The following C12orf71 variants were observed in gnomAD, a reference collection of about 807,000 sequenced individuals.
C12orf71 encodes uncharacterized protein C12orf71.
In C12orf71, 10 loss-of-function variants were observed where a neutral mutation model predicts 11.7. That is an observed-to-expected ratio of 0.86 (90% CI 0.53 to 1.45). The LOEUF is 1.45. Ranked by LOEUF, C12orf71 falls within the 40% of genes most tolerant of loss-of-function variation. C12orf71 has a pLI of 0.00. For synonymous variants in C12orf71, 110 were observed against 123.4 expected (o/e 0.89, Z 0.72); for missense variants, 293 against 325.8 (o/e 0.90, Z 0.78).
upstream of C12orf71, among the ~76,000 whole-genome samples, chr12:27,084,069 C>T (rs747910065): frequency 6.6e-6 from 1 of 152,164 alleles, no homozygotes; most frequent in African/African-American, 2.4e-5. Context: ...AAAGGAGACA[C>T]GAGAAATCCT....
At chr12:27,081,774 C>T (rs1941934822) in intron 1 of C12orf71, 194 bp downstream of exon 1, 1 of 737,738 alleles carries the variant, frequency 1.4e-6, no homozygotes, top group Non-Finnish European at 2.4e-6. Context: ...GACCTGCCTC[C>T]TCCTAGTGGT....
chr12:27,082,460 G>A lies in C12orf71; in HGVS notation c.24C>T (p.Ser8=), dbSNP rs759228672. 83 of 1,506,194 alleles carry A rather than the reference G, an allele frequency of 5.5e-5. No individual in the cohort carries two copies. In the Admixed American group the frequency reaches 5.9e-4, roughly 11 times the overall value. 93.3% of individuals were successfully genotyped at this position (1,506,194 alleles called of 1,614,324 possible). MAYSSSN[S]DIEDDSSKSN... ...ATTTGGAGCTGTCGTCCTCTATGTC[G>A]CTGTTAGAGGATGAATATGCCATGG... The change falls in exon 1 of 2, where the codon AGC becomes AGT. Residue 8 remains serine (S), a synonymous_variant. Transcript: ENST00000429849.
chr12:27,081,403 T>A lies in C12orf71; in HGVS notation c.581A>T (p.Glu194Val), dbSNP rs1315805574. Residue 194 changes from glutamate (E) to valine (V), a missense_variant, in exon 2 of 2, where the codon GAG becomes GTG. Transcript: ENST00000429849. Reference sequence around the variant, plus strand: ...AGGAGTGTCATCCTTCTCTGGCTGCTCTGACAGGATTGAGGAGATCTCTGG... The same window carrying A: ...AGGAGTGTCATCCTTCTCTGGCTGCACTGACAGGATTGAGGAGATCTCTGG... ...SAPEISSILSEQPEKDDTPSH... is the reference protein window; with the variant it reads ...SAPEISSILSVQPEKDDTPSH... 4.3e-6 allele frequency: 7 copies of A among 1,613,910 alleles called. No individual in the cohort carries two copies. The highest frequency in any genetic ancestry group is 5.9e-6 in the Non-Finnish European group (7 of 1,179,896).
Position 27,081,345 on chromosome 12 carries a change from A to C in C12orf71, c.639T>G (p.Phe213Leu). The part of the protein sequence containing the change: ...SHTQAQCCLN[F>L]GWAFSWLRQR... ...GCCTCAGCCAGCTGAAGGCCCACCC[A>C]AAGTTCAGGCAGCACTGGGCCTGTG... The change falls in exon 2 of 2, where the codon TTT (phenylalanine) becomes TTG (leucine). Residue 213 changes from phenylalanine to leucine, a missense_variant. Transcript: ENST00000429849. The C allele has an allele frequency of 6.2e-7, 1 of 1,613,992 alleles. No individual in the cohort carries two copies. Among genetic ancestry groups the C allele is most frequent in the Non-Finnish European group, 8.5e-7 (1 of 1,179,894 alleles).
chr12:27,082,577 C>A lies in C12orf71; in HGVS notation c.-94G>T. On this transcript the variant is annotated 5_prime_UTR_variant, in exon 1 of 2. Transcript: ENST00000429849. ...GACTAAGGAGAAGAGAGTCATAGTA[C>A]TTAAGCAAAAACATTATCCATTCCC... 1 of 947,462 alleles carries A rather than the reference C, an allele frequency of 1.1e-6. No homozygotes were observed. The highest frequency in any genetic ancestry group is 1.5e-6 in the Non-Finnish European group (1 of 685,614). The allele number at this position is 947,462 out of a possible 1,614,324, so 58.7% of individuals were successfully genotyped here.
upstream of C12orf71, among the ~76,000 whole-genome samples, chr12:27,082,966 A>G (rs1941950168): frequency 6.7e-6 from 1 of 149,816 alleles, no homozygotes; most frequent in Non-Finnish European, 1.5e-5. Flanking sequence ...TTTGAGATGG[A>G]GCCTCGCTCT....
At chr12:27,081,560 C>A in intron 1 of C12orf71, 93 bp from the exon 2 acceptor site, 1 of 1,269,492 alleles carries the variant, frequency 7.9e-7, no homozygotes, top group Non-Finnish European at 1.1e-6. Flanking sequence ...ATCCTTTTAC[C>A]AAAAATAGCC....
At position 27,082,568 on chromosome 12, in the gene C12orf71, G is replaced by T; in HGVS notation, c.-85C>A. 2.0e-6 allele frequency: 2 copies of T among 1,006,642 alleles called. No individual in the cohort carries two copies. The highest frequency in any genetic ancestry group is 2.7e-6 in the Non-Finnish European group (2 of 732,870). 62.4% of individuals were successfully genotyped at this position (1,006,642 alleles called of 1,614,324 possible). ...AATAGGTGGGACTAAGGAGAAGAGA[G>T]TCATAGTACTTAAGCAAAAACATTA... On this transcript the variant is annotated 5_prime_UTR_variant, in exon 1 of 2. Coordinates refer to ENST00000429849, the MANE Select transcript of C12orf71 (RefSeq NM_001080406.2).
chr12:27,081,132 T>C lies in C12orf71; in HGVS notation c.*42A>G, dbSNP rs1941928010. The C allele has an allele frequency of 2.1e-6, 3 of 1,438,314 alleles. No individual in the cohort carries two copies. The East Asian group carries it at 6.9e-5, about 33-fold the overall frequency. 89.1% of individuals were successfully genotyped at this position (1,438,314 alleles called of 1,614,324 possible). A position where few individuals can be genotyped will look rare whatever the true frequency, so the allele number is the denominator to read the frequency against. On this transcript the variant is annotated 3_prime_UTR_variant, in exon 2 of 2. Transcript: ENST00000429849. ...ATGGGGATTATTAATGGAATCCTTA[T>C]TATGGATTATTTTAAACTTTCCAAA...
At chr12:27,083,659 T>C (rs896635980), upstream of C12orf71, among the ~76,000 whole-genome samples, 2 of 152,214 alleles carry the variant, frequency 1.3e-5, no homozygotes, top group African/African-American at 2.4e-5. Context: ...AACAAACATA[T>C]ATATGGTTAC....
upstream of C12orf71, chr12:27,082,633 G>A (rs1303707741): frequency 1.0e-4 from 59 of 569,578 alleles, no homozygotes; most frequent in Middle Eastern, 4.9e-4. Flanking sequence ...TTTTTGAGAC[G>A]AAGTCTCACT....
chr12:27,081,572 A>T (rs34457591), intron 1 of C12orf71, 105 bp from the exon 2 acceptor site: 435,870 of 1,121,658 alleles, frequency 0.39, 93,627 homozygotes, highest in East Asian at 0.86. Context: ...AAAATAGCCC[A>T]AGTGTCAATG....
At chr12:27,083,280 G>A (rs186001920), upstream of C12orf71, among the ~76,000 whole-genome samples, 2 of 152,260 alleles carry the variant, frequency 1.3e-5, no homozygotes, top group African/African-American at 2.4e-5. Flanking sequence ...GGGCAGAAGA[G>A]GCAGCCCTCT....
At chr12:27,083,147 A>G (rs988512028), upstream of C12orf71, among the ~76,000 whole-genome samples, 2 of 152,010 alleles carry the variant, frequency 1.3e-5, no homozygotes, top group Non-Finnish European at 2.9e-5. Context: ...TCACCATGTT[A>G]GCCAGAAAGG....
chr12:27,081,861 T>C, intron 1 of C12orf71, 107 bp downstream of exon 1: 1 of 1,174,224 alleles, frequency 8.5e-7, no homozygotes, highest in Non-Finnish European at 1.2e-6. Context: ...AGCCAGCTCA[T>C]GTCCCTTAAG....
At chr12:27,081,811 C>A (rs1317323114) in intron 1 of C12orf71, 157 bp downstream of exon 1, 1 of 834,886 alleles carries the variant, frequency 1.2e-6, no homozygotes, top group South Asian at 1.4e-5. Flanking sequence ...TCAACCCAGG[C>A]CTATCCCTTC....
chr12:27,081,117 T>C lies in C12orf71; in HGVS notation c.*57A>G. The C allele has an allele frequency of 7.4e-7, 1 of 1,345,596 alleles. No homozygotes were observed. Among genetic ancestry groups the C allele is most frequent in the Non-Finnish European group, 1.0e-6 (1 of 976,234 alleles). The allele number at this position is 1,345,596 out of a possible 1,614,324, so 83.4% of individuals were successfully genotyped here. A position where few individuals can be genotyped will look rare whatever the true frequency, so the allele number is the denominator to read the frequency against. On this transcript the variant is annotated 3_prime_UTR_variant, in exon 2 of 2. Transcript: ENST00000429849. ...GGAAAAAACAAACTGATGGGGATTATTAATGGAATCCTTATTATGGATTAT... is the reference window on the plus strand; with the variant it reads ...GGAAAAAACAAACTGATGGGGATTACTAATGGAATCCTTATTATGGATTAT...
In C12orf71 at chr12:27,082,143, A is replaced by C. The variant is rs748803775; in HGVS notation, c.341T>G (p.Leu114Arg). ...CTCTTTTGGTAACTTGTCTATCCAC[A>C]GGTTGTCTCCATTTAGAAGCCTATT... is the stretch of plus-strand genomic sequence containing the variant. The part of the protein sequence containing the change: ...RANRLLNGDN[L>R]WIDKLPKERT... Residue 114 changes from leucine to arginine, a missense_variant, in exon 1 of 2, where the codon CTG (leucine) becomes CGG (arginine). Leu to Arg is a moderately radical substitution (Grantham distance 102). Transcript: ENST00000429849. 6.1e-5 allele frequency: 99 copies of C among 1,613,620 alleles called. 1 individual carries two copies. The highest frequency in any genetic ancestry group is 7.6e-5 in the Non-Finnish European group (90 of 1,179,786).
chr12:27,082,163 C>A lies in C12orf71; in HGVS notation c.321G>T (p.Arg107Ser). 1.9e-6 allele frequency: 3 copies of A among 1,613,884 alleles called. No individual in the cohort carries two copies. In the African/African-American group the frequency reaches 4.0e-5, roughly 22 times the overall value. The part of the protein sequence containing the change: ...GSDNTDSRAN[R>S]LLNGDNLWID... ...TCCACAGGTTGTCTCCATTTAGAAG[C>A]CTATTAGCTCTTGAGTCTGTGTTAT... Residue 107 changes from arginine (R) to serine (S), a missense_variant, in exon 1 of 2, where the codon AGG becomes AGT. Arg to Ser is a moderately radical substitution (Grantham distance 110, BLOSUM62 -1). Coordinates refer to ENST00000429849, the MANE Select transcript of C12orf71 (RefSeq NM_001080406.2).
Sources: gnomAD v4.1 joint callset for allele counts (sites outside exome capture counted in the v4.1 genomes callset) on GRCh38, gnomAD v4.1.1 for gene constraint, MANE v1.5 for transcripts, NCBI Gene and HGNC (gene_info 2026-07-23, HGNC 2026-07-21) for gene names.